The following FRMD4A variants were observed in gnomAD, a reference collection of about 807,000 sequenced individuals.
The protein encoded by FRMD4A is FERM domain containing 4A.
FRMD4A carries 29 observed loss-of-function variants against 129.1 expected under a neutral mutation model. The observed-to-expected ratio is 0.22, with a 90% CI of 0.17 to 0.31. The LOEUF is 0.31. FRMD4A is among the 10% of genes least tolerant of loss of function. The probability of loss-of-function intolerance (pLI) is 1.00; values close to 1 mark genes in which losing one functional copy is unlikely to be tolerated. For missense variants in FRMD4A, 1,272 were observed against 1,375.8 expected (o/e 0.92, Z 1.19); for synonymous variants, 634 against 571.6 (o/e 1.11, Z -1.56).
chr10:13,981,738 C>T (rs886607234), intron 2 of FRMD4A, among the ~76,000 whole-genome samples: 5 of 97,662 alleles, frequency 5.1e-5, no homozygotes, highest in Non-Finnish European at 1.0e-4. Context: ...GACTCCGTGT[C>T]AAAAAAAAAA....
chr10:14,030,163 G>A (rs1250956648), intron 2 of FRMD4A, among the ~76,000 whole-genome samples: 1 of 152,204 alleles, frequency 6.6e-6, no homozygotes, highest in African/African-American at 2.4e-5. Context: ...GGAGGAATAA[G>A]TTCTGGGCAC....
rs184836480 is a variant in FRMD4A at position 14,170,556 on chromosome 10, T to C, written c.45+159502A>G. ...GAAAAAGACACCAACGCTGGGAAGT[T>C]AGGTGATTGTAAACTGAGAGCAGGT... is the stretch of plus-strand genomic sequence containing the variant. On this transcript the variant is annotated intron_variant, in intron 2 of 24. Coordinates refer to ENST00000357447, the MANE Select transcript of FRMD4A (RefSeq NM_018027.5). Among the ~76,000 whole-genome samples the C allele has an allele frequency of 3.3e-4, 50 of 152,276 alleles. 2 individuals carry two copies. In the East Asian group the frequency reaches 8.5e-3, roughly 26 times the overall value.
chr10:13,826,322 G>A (rs2093700441), intron 3 of FRMD4A, among the ~76,000 whole-genome samples: 1 of 152,160 alleles, frequency 6.6e-6, no homozygotes. Flanking sequence ...ACTACACGGT[G>A]AGGGGAATAG....
intron 2 of FRMD4A, among the ~76,000 whole-genome samples, chr10:14,158,807 G>C (rs1368224991): frequency 7.1e-6 from 1 of 141,336 alleles, no homozygotes. Flanking sequence ...AGAGAAGAAG[G>C]AAGAGAAGGA....
Position 14,330,732 on chromosome 10 carries a change from AC to A in FRMD4A, c.-218del, listed in dbSNP as rs1843486287. 2.5e-6 allele frequency: 1 copy of A among 398,752 alleles called. No individual in the cohort carries two copies. The highest frequency in any genetic ancestry group is 1.3e-4 in the South Asian group (1 of 7,866). 24.7% of individuals were successfully genotyped at this position (398,752 alleles called of 1,614,324 possible). On this transcript the variant is annotated 5_prime_UTR_variant, in exon 1 of 25. The change creates a premature stop within an existing upstream ORF in the 5' untranslated region. Transcript: ENST00000357447. ...TCACTGGAGATCAGCAAATGCCCTT[AC>A]CATCCCCGAGGAGGAAGTCACTTAG...
intron 2 of FRMD4A, among the ~76,000 whole-genome samples, chr10:14,116,186 C>G (rs946236974): frequency 6.6e-6 from 1 of 152,164 alleles, no homozygotes; most frequent in Non-Finnish European, 1.5e-5. Flanking sequence ...AAATTGCATG[C>G]CTTGCATCAT....
At chr10:14,313,772 C>T (rs893452930) in intron 2 of FRMD4A, among the ~76,000 whole-genome samples, 2 of 152,168 alleles carry the variant, frequency 1.3e-5, no homozygotes, top group Non-Finnish European at 2.9e-5. Context: ...ACTCATGTAA[C>T]AAATAAAAGA....
At chr10:14,028,331 C>T (rs1159814590) in intron 2 of FRMD4A, among the ~76,000 whole-genome samples, 4 of 152,110 alleles carry the variant, frequency 2.6e-5, no homozygotes, top group Non-Finnish European at 2.9e-5. Context: ...AAAGAGGAGG[C>T]CTGATGTGAT....
chr10:13,906,783 G>A (rs149163702), intron 2 of FRMD4A, among the ~76,000 whole-genome samples: 122 of 152,294 alleles, frequency 8.0e-4, no homozygotes, highest in African/African-American at 2.7e-3. Flanking sequence ...AGTGCACCAA[G>A]TGTATGCTCC....
intron 15 of FRMD4A, among the ~76,000 whole-genome samples, chr10:13,690,831 G>A (rs2085615639): frequency 2.0e-5 from 3 of 152,294 alleles, no homozygotes; most frequent in South Asian, 2.1e-4. Context: ...CATTGTATTG[G>A]TATACCGATG....
In FRMD4A at chr10:13,694,010, A is replaced by T; in HGVS notation, c.1005T>A (p.Ser335Arg). Residue 335 changes from serine to arginine, a missense_variant, in exon 15 of 25, where the codon AGT (serine) becomes AGA (arginine). Transcript: ENST00000357447. ...KSKIHAARSL[S>R]EIAIDLTETG... ...TCTCGGTCAGGTCGATGGCGATCTC[A>T]CTCAGGCTGCGTGCTGCATGGATTT... 1 of 1,526,096 alleles carries T rather than the reference A, an allele frequency of 6.6e-7. No homozygotes were observed. The highest frequency in any genetic ancestry group is 1.3e-5 in the South Asian group (1 of 75,966). 94.5% of individuals were successfully genotyped at this position (1,526,096 alleles called of 1,614,324 possible). A position where few individuals can be genotyped will look rare whatever the true frequency, so the allele number is the denominator to read the frequency against.
intron 3 of FRMD4A, among the ~76,000 whole-genome samples, chr10:13,813,084 G>A (rs978869922): frequency 6.6e-6 from 1 of 152,222 alleles, no homozygotes; most frequent in African/African-American, 2.4e-5. Flanking sequence ...GGAAGTATTC[G>A]GCTGCCCAAT....
intron 2 of FRMD4A, among the ~76,000 whole-genome samples, chr10:13,998,874 A>G (rs2095632216): frequency 1.3e-5 from 2 of 152,176 alleles, no homozygotes; most frequent in Non-Finnish European, 2.9e-5. Context: ...AGCTAACGTC[A>G]TCTTTCAGCC....
intron 2 of FRMD4A, among the ~76,000 whole-genome samples, chr10:13,965,499 C>T (rs968290594): frequency 1.4e-4 from 22 of 152,280 alleles, no homozygotes; most frequent in African/African-American, 5.3e-4. Context: ...CACACAATTA[C>T]AAAAGCACCA....
intron 2 of FRMD4A, among the ~76,000 whole-genome samples, chr10:14,198,257 C>T (rs1183332352): frequency 6.6e-6 from 1 of 152,208 alleles, no homozygotes; most frequent in Non-Finnish European, 1.5e-5. Flanking sequence ...TGTGTCAGCA[C>T]AGAGTCTTGG....
rs2134650441 is a variant in FRMD4A, at chr10:13,656,992, T to G, written c.2597A>C (p.Gln866Pro). Residue 866 changes from glutamine to proline, a missense_variant, in exon 22 of 25, where the codon CAG becomes CCG. Around this residue, in one of 2 missense-constraint regions of FRMD4A, gnomAD observed 972 missense variants for 892.3 expected, o/e 1.09. Transcript: ENST00000357447. ...DQEGHYSVKA[Q>P]FKTSNSYTAG... ...CGTGTAGGAGTTGGACGTCTTGAAC[T>G]GAGCCTTGACGCTGTAGTGGCCCTC... The G allele has an allele frequency of 6.4e-7, 1 of 1,561,574 alleles. No individual in the cohort carries two copies. The highest frequency in any genetic ancestry group is 8.6e-7 in the Non-Finnish European group (1 of 1,160,994).
At chr10:13,722,372 C>CA (rs1186620540) in intron 12 of FRMD4A, among the ~76,000 whole-genome samples, 1 of 150,212 alleles carries the variant, frequency 6.7e-6, no homozygotes, top group Non-Finnish European at 1.5e-5. Context: ...GCTGGGACTA[C>CA]AAGCATGCAC....
At chr10:13,989,210 G>C (rs1007943214) in intron 2 of FRMD4A, among the ~76,000 whole-genome samples, 4 of 152,092 alleles carry the variant, frequency 2.6e-5, no homozygotes, top group Non-Finnish European at 4.4e-5. Context: ...TCCTGCTTCT[G>C]AGTGGGTATC....
chr10:14,128,875 C>A (rs1249137705), intron 2 of FRMD4A, among the ~76,000 whole-genome samples: 19 of 152,110 alleles, frequency 1.2e-4, no homozygotes. Flanking sequence ...TGAGTTGTGA[C>A]AGTCAGACGA....
Sources: allele counts gnomAD v4.1 joint callset (sites outside exome capture counted in the v4.1 genomes callset), GRCh38; gene constraint gnomAD v4.1.1; regional missense constraint gnomAD v4.1.1; transcripts MANE v1.5; gene names NCBI Gene and HGNC (gene_info 2026-07-23, HGNC 2026-07-21).